Variants in EDA observed in about 807,000 individuals in gnomAD.
The protein encoded by EDA is ectodysplasin-A.
Under a neutral mutation model 23.6 loss-of-function variants are expected in EDA, and 2 were observed. The observed-to-expected ratio is 0.08, with a 90% CI of 0.03 to 0.27. The LOEUF (loss-of-function observed/expected upper bound fraction) is 0.27. EDA is among the 10% of genes least tolerant of loss of function. The pLI, the probability that EDA is intolerant of heterozygous loss-of-function variation, is 1.00. For synonymous variants in EDA, 131 were observed against 132.0 expected (o/e 0.99, Z 0.05); for missense variants, 229 against 324.2 (o/e 0.71, Z 2.26).
At chrX:69,973,214 C>G (rs1010332964) in intron 2 of EDA, among the ~76,000 whole-genome samples, 1 of 111,447 alleles carries the variant, frequency 9.0e-6, no homozygotes, top group Admixed American at 9.6e-5. Flanking sequence ...CCACACATAG[C>G]CCAGTGCTGA....
At chrX:69,733,983 T>G (rs751272008) in intron 1 of EDA, among the ~76,000 whole-genome samples, 2 of 111,298 alleles carry the variant, frequency 1.8e-5, no homozygotes, top group African/African-American at 6.5e-5. Context: ...TTTCTTCTCT[T>G]GTATTTCCTG....
chrX:69,732,717 C>G, intron 1 of EDA, among the ~76,000 whole-genome samples: 1 of 112,049 alleles, frequency 8.9e-6, no homozygotes, highest in Non-Finnish European at 1.9e-5. Context: ...GTCCCACCAA[C>G]AGTGTAAAAG....
At chrX:69,670,127 C>T (rs1050894467) in intron 1 of EDA, 2 of 302,229 alleles carry the variant, frequency 6.6e-6, no homozygotes, top group African/African-American at 5.6e-5. Flanking sequence ...CTGGGAAAAA[C>T]TGTCTCCTTC....
At chrX:69,636,613 G>A (rs1292589607) in intron 1 of EDA, among the ~76,000 whole-genome samples, 2 of 105,809 alleles carry the variant, frequency 1.9e-5, no homozygotes, top group African/African-American at 6.9e-5. Flanking sequence ...CACACCATAG[G>A]TGCTCAAACT....
chrX:69,962,791 C>T (rs1180087421), intron 2 of EDA, among the ~76,000 whole-genome samples: 1 of 112,389 alleles, frequency 8.9e-6, no homozygotes, highest in Non-Finnish European at 1.9e-5. Context: ...AAAATGAACA[C>T]ACTAGTATGG....
At chrX:70,012,105 T>C (rs892524131) in intron 2 of EDA, among the ~76,000 whole-genome samples, 1 of 111,246 alleles carries the variant, frequency 9.0e-6, no homozygotes, top group African/African-American at 3.3e-5. Flanking sequence ...ATCAAAGCAG[T>C]CCCCCGTACT....
intron 1 of EDA, among the ~76,000 whole-genome samples, chrX:69,733,934 A>T (rs1312029030): frequency 9.1e-6 from 1 of 109,575 alleles, no homozygotes; most frequent in Non-Finnish European, 1.9e-5. Flanking sequence ...TTTTTTATCA[A>T]GGTAATAATC....
intron 2 of EDA, among the ~76,000 whole-genome samples, chrX:70,019,030 A>G (rs2019994022): frequency 8.9e-6 from 1 of 112,302 alleles, no homozygotes; most frequent in Non-Finnish European, 1.9e-5. Context: ...AGAGTGGGCA[A>G]AGGACATAAA....
rs1480153293 is a variant in EDA at position 69,652,320 on chromosome X, T to C, written c.396+35616T>C. Among the ~76,000 whole-genome samples the C allele has an allele frequency of 5.4e-5, 6 of 111,737 alleles. No homozygotes were observed. The Admixed American group carries it at 5.7e-4, about 11-fold the overall frequency. ...CATAAGGAGGGAAGAGGTTGACAGA[T>C]AGTGACAAAGTGGCAAGCTTAATAG... is the stretch of plus-strand genomic sequence containing the variant. On this transcript the variant is annotated intron_variant, in intron 1 of 7. Transcript: ENST00000374552.
intron 1 of EDA, among the ~76,000 whole-genome samples, chrX:69,742,497 T>A (rs948896809): frequency 8.9e-5 from 10 of 112,099 alleles, no homozygotes; most frequent in Non-Finnish European, 1.7e-4. Context: ...TGAAGAAATA[T>A]TTCTTCATTT....
chrX:69,867,782 T>C (rs778348717), intron 1 of EDA, among the ~76,000 whole-genome samples: 5 of 111,574 alleles, frequency 4.5e-5, no homozygotes, highest in African/African-American at 1.6e-4. Flanking sequence ...GAAGGTAGGG[T>C]GGCAGGAGTG....
intron 1 of EDA, among the ~76,000 whole-genome samples, chrX:69,680,832 A>T (rs1353195203): frequency 9.7e-6 from 1 of 102,964 alleles, no homozygotes. Flanking sequence ...TTTAAAGTTA[A>T]TACTGTTATG....
chrX:69,837,513 A>G lies in EDA; in HGVS notation c.397-119514A>G, dbSNP rs376432848. Among the ~76,000 whole-genome samples, 37 of 112,562 alleles carry G rather than the reference A, an allele frequency of 3.3e-4. No individual in the cohort carries two copies. The East Asian group carries it at 5.5e-3, about 17-fold the overall frequency. ...AAAAATGAAGTTGTAACAGTTTTCT[A>G]TAATTGTTGCATATGATTTTTTTGT... On this transcript the variant is annotated intron_variant, in intron 1 of 7. Coordinates refer to ENST00000374552, the MANE Select transcript of EDA (RefSeq NM_001399.5).
chrX:69,774,443 G>A (rs1023212540), intron 1 of EDA, among the ~76,000 whole-genome samples: 112 of 111,695 alleles, frequency 1.0e-3, no homozygotes, highest in Non-Finnish European at 4.7e-4. Flanking sequence ...CTAGAAATCC[G>A]CTCACAGCAA....
At chrX:69,677,278 G>T (rs1239685640) in intron 1 of EDA, among the ~76,000 whole-genome samples, 1 of 104,639 alleles carries the variant, frequency 9.6e-6, no homozygotes, top group Non-Finnish European at 2.0e-5. Flanking sequence ...GAATAATGCC[G>T]CAATAAACAT....
chrX:69,661,110 T>G (rs1933485985), intron 1 of EDA, among the ~76,000 whole-genome samples: 1 of 110,172 alleles, frequency 9.1e-6, no homozygotes, highest in Admixed American at 9.8e-5. Flanking sequence ...TGATGAGCAT[T>G]TTTTCATGTG....
At chrX:69,789,428 G>A (rs749078429) in intron 1 of EDA, among the ~76,000 whole-genome samples, 11 of 112,340 alleles carry the variant, frequency 9.8e-5, no homozygotes, top group South Asian at 7.4e-4. Flanking sequence ...TGAAATCAGC[G>A]GAGATAAATT....
chrX:69,724,461 G>A (rs1416381058), intron 1 of EDA, among the ~76,000 whole-genome samples: 1 of 111,244 alleles, frequency 9.0e-6, no homozygotes, highest in African/African-American at 3.3e-5. Flanking sequence ...TGCTTCCACA[G>A]TGTACCAAGT....
intron 1 of EDA, among the ~76,000 whole-genome samples, chrX:69,784,590 T>C (rs2015084250): frequency 9.4e-6 from 1 of 106,005 alleles, no homozygotes; most frequent in African/African-American, 3.4e-5. Flanking sequence ...TTGTCAAAGA[T>C]CAGATAGTTG....
Sources: allele counts gnomAD v4.1 joint callset (sites outside exome capture counted in the v4.1 genomes callset), GRCh38; gene constraint gnomAD v4.1.1; transcripts MANE v1.5; gene names NCBI Gene and HGNC (gene_info 2026-07-23, HGNC 2026-07-21).